HOMER2: variants seen among roughly 807,000 people sequenced by gnomAD.
The protein encoded by HOMER2 is homer protein homolog 2.
A neutral mutation model predicts 47.0 loss-of-function variants in HOMER2; 27 were observed. The observed-to-expected ratio is 0.57, with a 90% confidence interval of 0.42 to 0.79. The LOEUF (loss-of-function observed/expected upper bound fraction) is 0.79. Ranked by LOEUF, HOMER2 falls within the 30% of genes least tolerant of loss-of-function variation. HOMER2 has a pLI of 0.00. For synonymous variants in HOMER2, 161 were observed against 163.8 expected, an observed-to-expected ratio of 0.98 and a Z score of 0.13; for missense variants, 443 against 435.0, an observed-to-expected ratio of 1.02 and a Z score of -0.16.
At chr15:82,928,737 A>C (rs189452388) in intron 1 of HOMER2, among the ~76,000 whole-genome samples, 1 of 151,932 alleles carries the variant, frequency 6.6e-6, no homozygotes, top group East Asian at 1.9e-4. Flanking sequence ...TTCACTTCTC[A>C]AAGTCAGTCT....
intron 3 of HOMER2, among the ~76,000 whole-genome samples, chr15:82,871,660 C>T (rs2052179072): frequency 6.6e-6 from 1 of 152,208 alleles, no homozygotes; most frequent in South Asian, 2.1e-4. Flanking sequence ...CCGAGCAGAA[C>T]TCCAGCACTG....
chr15:82,944,396 C>A (rs769878563), intron 1 of HOMER2, among the ~76,000 whole-genome samples: 16 of 152,164 alleles, frequency 1.1e-4, no homozygotes, highest in Non-Finnish European at 1.9e-4. Context: ...TGGATCAAAA[C>A]CAATGCAAAT....
intron 4 of HOMER2, among the ~76,000 whole-genome samples, chr15:82,860,050 C>T (rs1210096644): frequency 6.6e-6 from 1 of 151,946 alleles, no homozygotes; most frequent in African/African-American, 2.4e-5. Flanking sequence ...GAGTTTGACA[C>T]CAGCCTGGCC....
At chr15:82,840,868 A>G (rs2151582486) in exon 2 of HOMER2, 1 of 152,252 alleles carries the variant, frequency 6.6e-6, no homozygotes, top group South Asian at 2.1e-4. Flanking sequence ...GGACAGTTTC[A>G]TACATGTTAT....
intron 1 of HOMER2, among the ~76,000 whole-genome samples, chr15:82,911,640 A>G (rs1041222493): frequency 2.6e-5 from 4 of 152,204 alleles, no homozygotes; most frequent in South Asian, 2.1e-4. Flanking sequence ...GCTAATGGCT[A>G]TATGTGTGTG....
intron 1 of HOMER2, among the ~76,000 whole-genome samples, chr15:82,950,418 C>T (rs1234893867): frequency 2.6e-5 from 4 of 151,950 alleles, no homozygotes; most frequent in Admixed American, 6.6e-5. Flanking sequence ...AGAGCCATGA[C>T]GAAGCTGTAG....
downstream of HOMER2, among the ~76,000 whole-genome samples, chr15:82,847,731 C>T (rs899747): frequency 0.81 from 122,895 of 152,148 alleles, 49,780 homozygotes; most frequent in South Asian, 0.92. Context: ...AAGACCCCAG[C>T]GGAAGGTGTT....
At chr15:82,863,559 T>A (rs1347420326) in intron 4 of HOMER2, among the ~76,000 whole-genome samples, 1 of 152,180 alleles carries the variant, frequency 6.6e-6, no homozygotes, top group Non-Finnish European at 1.5e-5. Flanking sequence ...TCCCTTTCCC[T>A]GGCTTTCTAC....
At chr15:82,983,522 A>G (rs2030467365) in intron 1 of HOMER2, among the ~76,000 whole-genome samples, 1 of 151,554 alleles carries the variant, frequency 6.6e-6, no homozygotes, top group African/African-American at 2.4e-5. Flanking sequence ...ACTTTACCTT[A>G]TGGATATTCC....
chr15:82,959,711 C>G (rs934886958), intron 1 of HOMER2, among the ~76,000 whole-genome samples: 7 of 152,182 alleles, frequency 4.6e-5, no homozygotes, highest in South Asian at 4.1e-4. Context: ...GATTCCGATG[C>G]GCAGCCAGGG....
intron 1 of HOMER2, among the ~76,000 whole-genome samples, chr15:82,937,251 A>G (rs995679642): frequency 2.6e-5 from 4 of 152,244 alleles, no homozygotes; most frequent in Non-Finnish European, 4.4e-5. Context: ...TCTTCTCTGC[A>G]TAAGACTTCA....
At chr15:82,960,161 C>T (rs1249941545) in intron 1 of HOMER2, among the ~76,000 whole-genome samples, 1 of 152,142 alleles carries the variant, frequency 6.6e-6, no homozygotes, top group East Asian at 1.9e-4. Context: ...ATAGCTGAGG[C>T]TTCCAACCGG....
At chr15:82,843,658 A>T (rs1175370766) in exon 2 of HOMER2, 1 of 151,994 alleles carries the variant, frequency 6.6e-6, no homozygotes, top group Non-Finnish European at 1.5e-5. Flanking sequence ...GAAATCAATG[A>T]TACTGCTGAA....
At chr15:82,963,073 AT>A (rs1483838631) in intron 1 of HOMER2, among the ~76,000 whole-genome samples, 1 of 152,074 alleles carries the variant, frequency 6.6e-6, no homozygotes, top group East Asian at 1.9e-4. Context: ...AGGTCAAGAG[AT>A]TGAGACCATC....
intron 2 of HOMER2, among the ~76,000 whole-genome samples, chr15:82,879,044 C>T (rs896699194): frequency 6.6e-6 from 1 of 152,204 alleles, no homozygotes; most frequent in South Asian, 2.1e-4. Context: ...CCACTGATGT[C>T]TCCAATCTGC....
chr15:82,947,005 T>C (rs1253428265), intron 1 of HOMER2, among the ~76,000 whole-genome samples: 1 of 152,256 alleles, frequency 6.6e-6, no homozygotes, highest in Non-Finnish European at 1.5e-5. Context: ...AAGCTGGTAC[T>C]TGTGTATGTA....
rs570515509 is a variant in HOMER2 at position 82,866,893 on chromosome 15, G to A, written c.295-2634C>T. On this transcript the variant is annotated intron_variant, in intron 3 of 8. Transcript: ENST00000450735. ...TCTTGAGTATATCTTTATCAGCAGC[G>A]TGAAAATGGACTAATATACCCTATC... Among the ~76,000 whole-genome samples, 49 of 152,154 alleles carry A rather than the reference G, an allele frequency of 3.2e-4. No homozygotes were observed. The South Asian group carries it at 9.1e-3, about 28-fold the overall frequency.
chr15:82,934,835 C>G (rs905441354), intron 1 of HOMER2, among the ~76,000 whole-genome samples: 4 of 152,244 alleles, frequency 2.6e-5, no homozygotes, highest in Non-Finnish European at 5.9e-5. Flanking sequence ...TCTCTGGTAG[C>G]CTTGCCGCCC....
At chr15:82,893,186 A>G (rs1162682335) in intron 1 of HOMER2, among the ~76,000 whole-genome samples, 3 of 152,146 alleles carry the variant, frequency 2.0e-5, no homozygotes, top group Non-Finnish European at 4.4e-5. Context: ...TTTTGGAACC[A>G]ATTCACTTTT....
Sources: allele counts gnomAD v4.1 joint callset (sites outside exome capture counted in the v4.1 genomes callset), GRCh38; gene constraint gnomAD v4.1.1; transcripts MANE v1.5; gene names NCBI Gene and HGNC (gene_info 2026-07-23, HGNC 2026-07-21).